Variants in CCDC3 observed in about 807,000 individuals in gnomAD.
CCDC3 encodes coiled-coil domain-containing protein 3.
Under a neutral mutation model 21.4 loss-of-function variants are expected in CCDC3, and 24 were observed. The observed-to-expected ratio is 1.12, with a 90% CI of 0.81 to 1.58. CCDC3 has a LOEUF of 1.58. Among genes scored for constraint, CCDC3 ranks in the 40% most tolerant of loss-of-function variants. The probability of loss-of-function intolerance (pLI) is 0.00; values close to 1 mark genes in which losing one functional copy is unlikely to be tolerated. For missense variants in CCDC3, 425 were observed against 360.9 expected (o/e 1.18, Z -1.44); for synonymous variants, 186 against 166.0 (o/e 1.12, Z -0.93).
Position 12,979,376 on chromosome 10 carries a change from A to C in CCDC3, c.549+18962T>G, listed in dbSNP as rs1472752173. The stretch of plus-strand genomic sequence containing the variant: ...TTGTTCTTTCCCTTTCAAATACAGA[A>C]GCTCCCCAAACCCTCTGTCTTTGTT... On this transcript the variant is annotated intron_variant, in intron 2 of 2. Transcript: ENST00000378825. Among the ~76,000 whole-genome samples, 9 of 151,472 alleles carry C rather than the reference A, an allele frequency of 5.9e-5. No individual in the cohort carries two copies. The East Asian group carries it at 9.8e-4, about 16-fold the overall frequency.
At chr10:13,058,886 A>G (rs768742607) in intron 4 of CCDC3, among the ~76,000 whole-genome samples, 2 of 152,200 alleles carry the variant, frequency 1.3e-5, no homozygotes, top group Non-Finnish European at 2.9e-5. Flanking sequence ...TATCATTCAT[A>G]CACTACGGCG....
intron 5 of CCDC3, among the ~76,000 whole-genome samples, chr10:13,023,920 A>G (rs562785845): frequency 1.2e-3 from 179 of 152,284 alleles, no homozygotes; most frequent in Non-Finnish European, 2.2e-3. Context: ...AACCTGCAAT[A>G]GACATTCCTA....
intron 2 of CCDC3, among the ~76,000 whole-genome samples, chr10:12,906,198 T>G (rs1834168858): frequency 1.3e-5 from 2 of 152,122 alleles, no homozygotes; most frequent in Non-Finnish European, 2.9e-5. Flanking sequence ...AGCTGGGAAG[T>G]GACAGCAGGG....
intron 5 of CCDC3, among the ~76,000 whole-genome samples, chr10:13,046,090 C>CCAAAA (rs1345130222): frequency 7.9e-5 from 12 of 151,398 alleles, no homozygotes; most frequent in Non-Finnish European, 1.2e-4. Context: ...GACTCCATCT[C>CCAAAA]CAAAACAAAA....
rs546718610 is a variant in CCDC3, at chr10:12,922,359, T to G, written c.550-23680A>C. Among the ~76,000 whole-genome samples, 11 of 151,986 alleles carry G rather than the reference T, an allele frequency of 7.2e-5. No homozygotes were observed. In the South Asian group the frequency reaches 2.1e-3, roughly 29 times the overall value. ...CAAAAACTCCTCCTAGCCCAGGCCC[T>G]GCATCCCACCCTCCCATCTGTGTCA... is the stretch of plus-strand genomic sequence containing the variant. On this transcript the variant is annotated intron_variant, in intron 2 of 2. Coordinates refer to ENST00000378825, the MANE Select transcript of CCDC3 (RefSeq NM_031455.4).
chr10:13,091,795 C>T (rs930418005), intron 3 of CCDC3, among the ~76,000 whole-genome samples: 2 of 132,032 alleles, frequency 1.5e-5, no homozygotes, highest in African/African-American at 2.9e-5. Context: ...TGTCTGATTT[C>T]AAGCTTACTG....
intron 2 of CCDC3, among the ~76,000 whole-genome samples, chr10:12,935,835 C>A (rs1036336640): frequency 1.3e-5 from 2 of 151,954 alleles, no homozygotes; most frequent in African/African-American, 2.4e-5. Flanking sequence ...CCGGCCAACC[C>A]AAGTACACTT....
chr10:12,908,152 C>G (rs981400170), intron 2 of CCDC3, among the ~76,000 whole-genome samples: 15 of 152,200 alleles, frequency 9.9e-5, no homozygotes, highest in African/African-American at 3.1e-4. Flanking sequence ...TCAGATAAAT[C>G]TACTACAAAG....
At chr10:12,986,553 T>C (rs1218171718) in intron 2 of CCDC3, among the ~76,000 whole-genome samples, 1 of 152,102 alleles carries the variant, frequency 6.6e-6, no homozygotes, top group Non-Finnish European at 1.5e-5. Flanking sequence ...GGCGGGCGGA[T>C]CACAAGGTCA....
chr10:13,083,969 A>G (rs544703431), intron 3 of CCDC3, among the ~76,000 whole-genome samples: 1 of 152,078 alleles, frequency 6.6e-6, no homozygotes, highest in Admixed American at 6.5e-5. Flanking sequence ...TTTTTTCCTT[A>G]TGGTACCAAG....
At chr10:13,078,269 T>G (rs1011328094) in intron 3 of CCDC3, among the ~76,000 whole-genome samples, 18 of 152,184 alleles carry the variant, frequency 1.2e-4, no homozygotes, top group Non-Finnish European at 2.6e-4. Flanking sequence ...ATGCTCATCA[T>G]CACTGGCCAT....
intron 3 of CCDC3, among the ~76,000 whole-genome samples, chr10:13,096,458 C>T (rs750128571): frequency 1.3e-5 from 2 of 152,150 alleles, no homozygotes; most frequent in Non-Finnish European, 2.9e-5. Context: ...AGGCGTGAGC[C>T]ACCGCCCTGG....
chr10:12,960,816 C>T (rs1026786423), intron 2 of CCDC3, among the ~76,000 whole-genome samples: 1 of 152,164 alleles, frequency 6.6e-6, no homozygotes. Flanking sequence ...TGCCCTGACA[C>T]CCAGAATGGG....
At chr10:12,916,353 AC>A in intron 2 of CCDC3, among the ~76,000 whole-genome samples, 1 of 150,098 alleles carries the variant, frequency 6.7e-6, no homozygotes, top group African/African-American at 2.5e-5. Flanking sequence ...AATCTCTTGA[AC>A]CTGGGAGGCG....
intron 3 of CCDC3, among the ~76,000 whole-genome samples, chr10:13,095,687 G>A (rs1000537457): frequency 3.9e-5 from 6 of 152,138 alleles, no homozygotes; most frequent in Admixed American, 2.0e-4. Flanking sequence ...TTCACCACCC[G>A]GGGTTTGGGG....
intron 2 of CCDC3, among the ~76,000 whole-genome samples, chr10:12,991,424 G>A (rs764982787): frequency 6.6e-6 from 1 of 151,950 alleles, no homozygotes; most frequent in African/African-American, 2.4e-5. Flanking sequence ...AGGTTCAAGC[G>A]ATCCTCCTGC....
chr10:13,094,315 A>G (rs192627520), intron 3 of CCDC3, among the ~76,000 whole-genome samples: 133 of 151,740 alleles, frequency 8.8e-4, no homozygotes, highest in African/African-American at 3.1e-3. Flanking sequence ...CTGGAGTGCA[A>G]TGGCACGATC....
intron 4 of CCDC3, among the ~76,000 whole-genome samples, chr10:13,070,365 T>C (rs1458451791): frequency 1.3e-5 from 2 of 152,182 alleles, no homozygotes; most frequent in African/African-American, 4.8e-5. Flanking sequence ...CAGCACACAA[T>C]TGGAGAAACT....
At chr10:12,927,202 C>T (rs777070445) in intron 2 of CCDC3, among the ~76,000 whole-genome samples, 6 of 152,202 alleles carry the variant, frequency 3.9e-5, no homozygotes, top group Non-Finnish European at 8.8e-5. Context: ...ACCACTACTA[C>T]AAGAATTCTA....
Sources: gnomAD v4.1 joint callset for allele counts (sites outside exome capture counted in the v4.1 genomes callset) on GRCh38, gnomAD v4.1.1 for gene constraint, MANE v1.5 for transcripts, NCBI Gene and HGNC (gene_info 2026-07-23, HGNC 2026-07-21) for gene names.